Variants in APP observed in about 807,000 individuals in gnomAD.
APP encodes amyloid beta precursor protein, also known as amyloid-beta precursor protein.
In APP, 31 loss-of-function variants were observed where a neutral mutation model predicts 101.4. That is an observed-to-expected ratio of 0.31 (90% CI 0.23 to 0.41). The LOEUF (loss-of-function observed/expected upper bound fraction) is 0.41, where lower values mean the gene tolerates loss of function less well. Ranked by LOEUF, APP falls within the 10% of genes least tolerant of loss-of-function variation. The probability of loss-of-function intolerance (pLI) is 1.00; values close to 1 mark genes in which losing one functional copy is unlikely to be tolerated. For missense variants in APP, 839 were observed against 1,003.7 expected, an observed-to-expected ratio of 0.84 and a Z score of 2.22; for synonymous variants, 366 against 364.4, an observed-to-expected ratio of 1.00 and a Z score of -0.05.
chr21:26,094,948 C>T (rs770478906), intron 2 of APP, among the ~76,000 whole-genome samples: 10 of 151,976 alleles, frequency 6.6e-5, no homozygotes, highest in East Asian at 1.9e-4. Flanking sequence ...CAGGTTCAAG[C>T]GATTCTCCTG....
In APP at chr21:25,997,393, T is replaced by A. The variant is rs775522161; in HGVS notation, c.1057A>T (p.Thr353Ser). 6.2e-7 allele frequency: 1 copy of A among 1,613,724 alleles called. No individual in the cohort carries two copies. Among genetic ancestry groups the A allele is most frequent in the South Asian group, 1.1e-5 (1 of 91,066 alleles). Residue 353 changes from threonine to serine, a missense_variant, in exon 8 of 18, where the codon ACC (threonine) becomes TCC (serine). Transcript: ENST00000346798. Reference protein sequence around the residue: ...SAMSQSLLKTTQEPLARDPVK... With the variant: ...SAMSQSLLKTSQEPLARDPVK... Reference sequence around the variant, plus strand: ...GGATCTCGGGCAAGAGGTTCCTGGGTAGTCTTGAGTAAACTTTGGGACACT... The same window carrying A: ...GGATCTCGGGCAAGAGGTTCCTGGGAAGTCTTGAGTAAACTTTGGGACACT...
At chr21:25,912,050 AG>A (rs2146320994) in intron 13 of APP, 88 bp from the exon 14 acceptor site, 1 of 990,678 alleles carries the variant, frequency 1.0e-6, no homozygotes, top group African/African-American at 1.6e-5. Context: ...CTGCCAGGCA[AG>A]ACTTCAACTG....
At chr21:26,103,776 C>T (rs543597259) in intron 2 of APP, among the ~76,000 whole-genome samples, 3 of 152,166 alleles carry the variant, frequency 2.0e-5, no homozygotes, top group Admixed American at 6.5e-5. Context: ...ATTTACCTAA[C>T]GACGACTAGC....
chr21:25,929,525 A>C (rs2146388087), intron 13 of APP, among the ~76,000 whole-genome samples: 1 of 152,244 alleles, frequency 6.6e-6, no homozygotes, highest in East Asian at 1.9e-4. Context: ...TGGAATGAGG[A>C]TAATTAGGCC....
In APP at chr21:25,905,067, A is replaced by G. The variant is rs745710188; in HGVS notation, c.1920T>C (p.Val640=). The G allele has an allele frequency of 3.7e-6, 6 of 1,614,024 alleles. No individual in the cohort carries two copies. The highest frequency in any genetic ancestry group is 3.3e-4 in the Middle Eastern group (2 of 6,060). The change falls in exon 15 of 18, where the codon GTT becomes GTC. Residue 640 remains valine, a synonymous_variant. Transcript: ENST00000346798. ...PANTENEVEP[V]DARPAADRGL... The stretch of plus-strand genomic sequence containing the variant: ...CTCGGTCGGCAGCAGGGCGGGCATC[A>G]ACAGGCTCAACTGGGCACAGGAAGC...
intron 8 of APP, 81 bp from the exon 9 acceptor site, chr21:25,982,558 A>C: frequency 7.3e-7 from 1 of 1,363,368 alleles, no homozygotes; most frequent in Non-Finnish European, 1.0e-6. Context: ...AGAAAGCCGT[A>C]TTTTCAGTTA....
chr21:26,058,905 C>T (rs930722699), intron 3 of APP, among the ~76,000 whole-genome samples: 5 of 151,944 alleles, frequency 3.3e-5, no homozygotes. Flanking sequence ...CACGGTGAAA[C>T]CCCGTCTCTA....
At chr21:26,003,432 A>G (rs1311490173) in intron 6 of APP, among the ~76,000 whole-genome samples, 1 of 152,248 alleles carries the variant, frequency 6.6e-6, no homozygotes, top group Non-Finnish European at 1.5e-5. Flanking sequence ...ACGGCCCCCA[A>G]GAGTTTCACT....
At chr21:25,965,536 A>G (rs2041762932) in intron 11 of APP, among the ~76,000 whole-genome samples, 1 of 152,186 alleles carries the variant, frequency 6.6e-6, no homozygotes, top group Non-Finnish European at 1.5e-5. Flanking sequence ...AGAAATTCTG[A>G]GTTTTTTGTT....
At chr21:25,914,331 A>G (rs1229859274) in intron 13 of APP, among the ~76,000 whole-genome samples, 1 of 151,856 alleles carries the variant, frequency 6.6e-6, no homozygotes, top group Admixed American at 6.6e-5. Context: ...TATGGTCTGA[A>G]TGTCCCCCAA....
chr21:25,994,838 T>C (rs1000574153), intron 8 of APP, among the ~76,000 whole-genome samples: 1 of 152,246 alleles, frequency 6.6e-6, no homozygotes, highest in Admixed American at 6.5e-5. Flanking sequence ...AATGTGCAGT[T>C]TGCTATAAAT....
intron 11 of APP, among the ~76,000 whole-genome samples, chr21:25,973,987 C>T (rs2042134323): frequency 6.8e-6 from 1 of 146,294 alleles, no homozygotes; most frequent in African/African-American, 2.6e-5. Context: ...ATAAGTTACA[C>T]ACTCATGCTC....
At position 26,062,230 on chromosome 21, in the gene APP, AACACACACAC is replaced by A. The variant is rs55971567; in HGVS notation, c.356-8892_356-8883del. Among the ~76,000 whole-genome samples, 172 of 145,154 alleles carry A rather than the reference AACACACACAC, an allele frequency of 1.2e-3. 1 individual carries two copies. The highest frequency in any genetic ancestry group is 2.7e-3 in the Admixed American group (39 of 14,530). On this transcript the variant is annotated intron_variant, in intron 3 of 17. Coordinates refer to ENST00000346798, the MANE Select transcript of APP (RefSeq NM_000484.4). The stretch of plus-strand genomic sequence containing the variant: ...GTCTCAAAAAACAAACAAACAAACA[AACACACACAC>A]ACACACACACACACACACAGAATAG...
Position 26,128,426 on chromosome 21 carries a change from G to A in APP, c.58-16280C>T, listed in dbSNP as rs1044924087. On this transcript the variant is annotated intron_variant, in intron 1 of 17. Transcript: ENST00000346798. ...TAAATTTTTTTGGTTCATTTCTTTA[G>A]CCACAGTATTAAATTTGTTTCTACA... 8.5e-5 allele frequency among the ~76,000 whole-genome samples: 13 copies of A among 152,178 alleles called. No homozygotes were observed. In the East Asian group the frequency reaches 2.5e-3, roughly 29 times the overall value.
chr21:26,169,339 A>T (rs886097108), intron 1 of APP: 2 of 152,210 alleles, frequency 1.3e-5, no homozygotes, highest in African/African-American at 4.8e-5. Flanking sequence ...CTGCACCCTA[A>T]AAAAAAGACC....
chr21:25,923,074 C>T (rs1310973360), intron 13 of APP, among the ~76,000 whole-genome samples: 2 of 136,518 alleles, frequency 1.5e-5, no homozygotes, highest in Admixed American at 7.5e-5. Context: ...GAAATAACGC[C>T]GCATACCTAC....
intron 5 of APP, among the ~76,000 whole-genome samples, chr21:26,027,010 A>G (rs1356558178): frequency 6.6e-6 from 1 of 152,216 alleles, no homozygotes; most frequent in Non-Finnish European, 1.5e-5. Context: ...AACTGCTCTA[A>G]AACAATAAAG....
chr21:26,030,610 C>T (rs2044775870), intron 5 of APP, among the ~76,000 whole-genome samples: 2 of 151,990 alleles, frequency 1.3e-5, no homozygotes, highest in Admixed American at 6.6e-5. Context: ...ATCTTGGAGG[C>T]AAGAAAAGTC....
At chr21:25,913,514 T>C (rs549394345) in intron 13 of APP, among the ~76,000 whole-genome samples, 58 of 152,342 alleles carry the variant, frequency 3.8e-4, no homozygotes, top group African/African-American at 1.4e-3. Flanking sequence ...AATGAGCATT[T>C]CTTTTATATA....
Sources: allele counts gnomAD v4.1 joint callset (sites outside exome capture counted in the v4.1 genomes callset), GRCh38; gene constraint gnomAD v4.1.1; transcripts MANE v1.5; gene names NCBI Gene and HGNC (gene_info 2026-07-23, HGNC 2026-07-21).